Variants in NFASC observed in about 807,000 individuals in gnomAD.
NFASC encodes neurofascin.
Under a neutral mutation model 147.5 loss-of-function variants are expected in NFASC, and 43 were observed. The ratio of observed to expected loss-of-function variants is 0.29; its 90% CI spans 0.23 to 0.38. NFASC has a LOEUF of 0.38. NFASC is among the 10% of genes least tolerant of loss of function. The pLI is 1.00. For missense variants in NFASC, 1,320 were observed against 1,689.0 expected (o/e 0.78, Z 3.83); for synonymous variants, 622 against 665.5 (o/e 0.93, Z 1.01).
At position 204,956,569 on chromosome 1, in the gene NFASC, C is replaced by T. The variant is rs189650386; in HGVS notation, c.536-1087C>T. On this transcript the variant is annotated intron_variant, in intron 7 of 29. Transcript: ENST00000339876. The stretch of plus-strand genomic sequence containing the variant: ...CCCCTTCTAACTGGTGTGTTCTGCT[C>T]GCCACGCTGCATTGCAATTGTTTAT... Among the ~76,000 whole-genome samples the T allele has an allele frequency of 1.8e-4, 27 of 152,318 alleles. 1 individual carries two copies. The South Asian group carries it at 3.9e-3, about 22-fold the overall frequency.
intron 2 of NFASC, among the ~76,000 whole-genome samples, chr1:204,943,741 T>C (rs2093527520): frequency 6.6e-6 from 1 of 152,208 alleles, no homozygotes; most frequent in Non-Finnish European, 1.5e-5. Flanking sequence ...CCAGGCACAC[T>C]CAGCACATGT....
At chr1:204,959,272 G>A (rs1365454128) in intron 8 of NFASC, among the ~76,000 whole-genome samples, 1 of 152,102 alleles carries the variant, frequency 6.6e-6, no homozygotes, top group African/African-American at 2.4e-5. Flanking sequence ...GGTGGTAGCC[G>A]GCAGGTTGCC....
Position 204,986,022 on chromosome 1 carries a change from C to G in NFASC, c.2471-1396C>G. On this transcript the variant is annotated intron_variant, in intron 21 of 29. Coordinates refer to ENST00000339876, the MANE Select transcript of NFASC (RefSeq NM_001005388.3). This position sits in a 1 kb window ranked among gnomAD's most constrained non-coding sequence, Gnocchi z 4.2. ...CGTGGCGTGGTGTCCCGCCTCTTCC[C>G]CTACAGTAACTACAAGCTGGAGATG... is the stretch of plus-strand genomic sequence containing the variant. 1.2e-6 allele frequency: 2 copies of G among 1,614,100 alleles called. No individual in the cohort carries two copies. Among genetic ancestry groups the G allele is most frequent in the Non-Finnish European group, 1.7e-6 (2 of 1,179,934 alleles).
At chr1:204,931,418 A>G (rs1169491387) in intron 2 of NFASC, among the ~76,000 whole-genome samples, 3 of 152,198 alleles carry the variant, frequency 2.0e-5, no homozygotes, top group Non-Finnish European at 4.4e-5. Flanking sequence ...TTTTATCCCA[A>G]TGCAGAATGG....
chr1:204,905,609 C>T (rs529880384), intron 1 of NFASC, among the ~76,000 whole-genome samples: 18 of 152,108 alleles, frequency 1.2e-4, no homozygotes, highest in African/African-American at 2.7e-4. Flanking sequence ...ATTATCTTAT[C>T]GTATAGCATC....
In NFASC at chr1:204,974,828, A is replaced by C; in HGVS notation, c.1558+5A>C. 6.2e-7 allele frequency: 1 copy of C among 1,613,512 alleles called. No individual in the cohort carries two copies. The stretch of plus-strand genomic sequence containing the variant: ...AAGTCCGCCTGGAGGTCAAAGGTAA[A>C]GGAGAGGGTTCGCCAGTGGGAGTTT... On this transcript the variant is annotated splice_donor_5th_base_variant and intron_variant, in intron 14 of 29. Transcript: ENST00000339876.
Position 204,954,053 on chromosome 1 carries a change from G to C in NFASC, c.216-135G>C. 1.4e-6 allele frequency: 1 copy of C among 723,318 alleles called. No homozygotes were observed. The highest frequency in any genetic ancestry group is 2.4e-6 in the Non-Finnish European group (1 of 423,620). The allele number at this position is 723,318 out of a possible 1,614,324, so 44.8% of individuals were successfully genotyped here. ...CTTCTGCTCAGCCAGGCTGAGACCT[G>C]TTGGTATGGGGTGCCACGATGGGAC... On this transcript the variant is annotated intron_variant, in intron 5 of 29. Coordinates refer to ENST00000339876, the MANE Select transcript of NFASC (RefSeq NM_001005388.3). This position sits in a 1 kb window ranked among gnomAD's most constrained non-coding sequence, Gnocchi z 5.7.
chr1:204,899,887 T>A (rs1056462531), intron 1 of NFASC, among the ~76,000 whole-genome samples: 1 of 152,196 alleles, frequency 6.6e-6, no homozygotes, highest in African/African-American at 2.4e-5. Flanking sequence ...AATAAGGGGA[T>A]CCTATTTGTC....
Position 204,954,392 on chromosome 1 carries a change from G to A in NFASC, c.412+8G>A, listed in dbSNP as rs778683979. On this transcript the variant is annotated splice_region_variant and intron_variant, in intron 6 of 29. Transcript: ENST00000339876. The surrounding 1 kb of genome is among the most constrained non-coding windows in gnomAD (Gnocchi z 5.7). ...TCCGCCTGCAGGTGTCTAGTGAGTAGCGTGGGGCAGGGCTGAAATGCCCTG... is the reference window on the plus strand; with the variant it reads ...TCCGCCTGCAGGTGTCTAGTGAGTAACGTGGGGCAGGGCTGAAATGCCCTG... 1.6e-5 allele frequency: 26 copies of A among 1,612,804 alleles called. No homozygotes were observed. In the African/African-American group the frequency reaches 2.9e-4, roughly 18 times the overall value.
rs1330148067 is a variant in NFASC, at chr1:204,973,762, C to T, written c.1279+343C>T. ...CTGATGAGATAGAGTGGGACTGTCC[C>T]ATCGCCTTGGTGTATCCATGTTGAC... is the stretch of plus-strand genomic sequence containing the variant. On this transcript the variant is annotated intron_variant, in intron 12 of 29. Coordinates refer to ENST00000339876, the MANE Select transcript of NFASC (RefSeq NM_001005388.3). Among the ~76,000 whole-genome samples the T allele has an allele frequency of 2.0e-5, 3 of 152,234 alleles. No individual in the cohort carries two copies. In the East Asian group the frequency reaches 5.8e-4, roughly 29 times the overall value.
At chr1:204,908,126 C>T (rs2086408879) in intron 1 of NFASC, among the ~76,000 whole-genome samples, 1 of 152,066 alleles carries the variant, frequency 6.6e-6, no homozygotes, top group African/African-American at 2.4e-5. Flanking sequence ...AGACTACAGG[C>T]ACGCACCACT....
chr1:204,980,290 A>C (rs1443850493), intron 19 of NFASC, 80 bp from the exon 20 acceptor site: 2 of 1,023,236 alleles, frequency 2.0e-6, no homozygotes, highest in Non-Finnish European at 3.1e-6. Context: ...CAGACCCATC[A>C]GGTAGGACAG....
rs2094300546 is a variant in NFASC at position 204,954,111 on chromosome 1, C to A, written c.216-77C>A. The A allele has an allele frequency of 7.4e-7, 1 of 1,349,812 alleles. No homozygotes were observed. Among genetic ancestry groups the A allele is most frequent in the African/African-American group, 1.4e-5 (1 of 69,518 alleles). The allele number at this position is 1,349,812 out of a possible 1,614,324, so 83.6% of individuals were successfully genotyped here. On this transcript the variant is annotated intron_variant, in intron 5 of 29. Coordinates refer to ENST00000339876, the MANE Select transcript of NFASC (RefSeq NM_001005388.3). The surrounding 1 kb of genome is among the most constrained non-coding windows in gnomAD (Gnocchi z 5.7). ...GGGAATTTTGGTACTGAGCCAGGGA[C>A]TAGGGATCTGAGATCTGCCTGGAGC...
chr1:204,901,539 T>TTGACAAAA (rs1236611389), intron 1 of NFASC, among the ~76,000 whole-genome samples: 20 of 151,918 alleles, frequency 1.3e-4, no homozygotes, highest in African/African-American at 4.9e-4. Flanking sequence ...ATGGATGACC[T>TTGACAAAA]TGACAAAATT....
rs79097487 is a variant in NFASC at position 204,916,355 on chromosome 1, G to A, written c.-199-4277G>A. 9.9e-3 allele frequency among the ~76,000 whole-genome samples: 1,506 copies of A among 152,268 alleles called. 17 individuals are homozygous for A. The highest frequency in any genetic ancestry group is 0.035 in the African/African-American group (1,433 of 41,522). ...TAACTAACCCTAAAGTCCTATGACT[G>A]GTGATAAAAGCACTGGTGGTAATTG... On this transcript the variant is annotated intron_variant, in intron 1 of 29. Coordinates refer to ENST00000339876, the MANE Select transcript of NFASC (RefSeq NM_001005388.3).
At chr1:204,843,482 G>T (rs1055271875) in intron 1 of NFASC, among the ~76,000 whole-genome samples, 1 of 152,030 alleles carries the variant, frequency 6.6e-6, no homozygotes, top group Non-Finnish European at 1.5e-5. Flanking sequence ...ATTTCTCTGT[G>T]TGTCACTCAG....
At chr1:204,904,290 G>A (rs140883240) in intron 1 of NFASC, among the ~76,000 whole-genome samples, 167 of 152,260 alleles carry the variant, frequency 1.1e-3, no homozygotes, top group Non-Finnish European at 2.0e-3. Context: ...TAGAAACGGG[G>A]TTTTGCCGTG....
chr1:204,928,950 A>G (rs143099300), intron 2 of NFASC, among the ~76,000 whole-genome samples: 5 of 152,202 alleles, frequency 3.3e-5, no homozygotes. Context: ...GTGGTCACCT[A>G]GAGGGAAAAG....
intron 11 of NFASC, among the ~76,000 whole-genome samples, chr1:204,971,804 A>G (rs1192077009): frequency 6.6e-6 from 1 of 152,184 alleles, no homozygotes; most frequent in Admixed American, 6.5e-5. Context: ...CCCAGCTACA[A>G]GCAGAGATAT....
Sources: gnomAD v4.1 joint callset for allele counts (sites outside exome capture counted in the v4.1 genomes callset) on GRCh38, gnomAD v4.1.1 for gene constraint, Gnocchi (gnomAD v3.1) non-coding constraint, MANE v1.5 for transcripts, NCBI Gene and HGNC (gene_info 2026-07-23, HGNC 2026-07-21) for gene names.